Variants in MCU observed in about 807,000 individuals in gnomAD.
The protein encoded by MCU is mitochondrial calcium uniporter, also known as calcium uniporter protein, mitochondrial.
A neutral mutation model predicts 45.2 loss-of-function variants in MCU; 12 were observed. The ratio of observed to expected loss-of-function variants is 0.27; its 90% CI spans 0.17 to 0.43. MCU has a LOEUF of 0.43. Among genes scored for constraint, MCU ranks in the 20% least tolerant of loss-of-function variants. The pLI is 1.00. For missense variants in MCU, 324 were observed against 436.7 expected (o/e 0.74, Z 2.30); for synonymous variants, 160 against 165.1 (o/e 0.97, Z 0.24).
intron 1 of MCU, among the ~76,000 whole-genome samples, chr10:72,710,508 G>A (rs1842877887): frequency 6.7e-6 from 1 of 149,270 alleles, no homozygotes; most frequent in South Asian, 2.1e-4. Flanking sequence ...TGCTGTCAAA[G>A]GAGCTCACTT....
chr10:72,791,431 G>C (rs1407884370), intron 1 of MCU, among the ~76,000 whole-genome samples: 1 of 152,096 alleles, frequency 6.6e-6, no homozygotes. Flanking sequence ...CCGTAGTCCA[G>C]GGGAAGAATG....
At chr10:72,721,599 T>C (rs1214755734) in intron 1 of MCU, among the ~76,000 whole-genome samples, 1 of 152,244 alleles carries the variant, frequency 6.6e-6, no homozygotes, top group Admixed American at 6.5e-5. Flanking sequence ...TAGAATGCTT[T>C]TCTCCTGAAT....
intron 1 of MCU, among the ~76,000 whole-genome samples, chr10:72,740,893 G>C (rs1843319048): frequency 6.6e-6 from 1 of 152,096 alleles, no homozygotes; most frequent in Non-Finnish European, 1.5e-5. Flanking sequence ...AGACTTCTTG[G>C]ATACATAAAA....
intron 1 of MCU, among the ~76,000 whole-genome samples, chr10:72,818,841 CAA>C (rs199955521): frequency 0.084 from 7,350 of 87,704 alleles, 589 homozygotes; most frequent in African/African-American, 0.23. Flanking sequence ...ACCTCTGTCT[CAA>C]AAAAAAAAAA....
chr10:72,872,997 T>G (rs1162421482), intron 6 of MCU, among the ~76,000 whole-genome samples: 3 of 150,450 alleles, frequency 2.0e-5, no homozygotes, highest in African/African-American at 7.3e-5. Flanking sequence ...TTTGTTTTTG[T>G]TTTTTTGTTT....
intron 6 of MCU, among the ~76,000 whole-genome samples, chr10:72,874,216 A>T (rs192701910): frequency 7.6e-4 from 116 of 152,314 alleles, no homozygotes; most frequent in African/African-American, 2.7e-3. Context: ...TTATCAACCG[A>T]GGCTCCTTTA....
chr10:72,738,283 C>T (rs749858199), intron 1 of MCU, among the ~76,000 whole-genome samples: 2 of 152,110 alleles, frequency 1.3e-5, no homozygotes, highest in African/African-American at 2.4e-5. Context: ...ACTTATATGT[C>T]CAACAAATCA....
At chr10:72,749,295 A>G (rs909987409) in intron 1 of MCU, among the ~76,000 whole-genome samples, 20 of 152,138 alleles carry the variant, frequency 1.3e-4, no homozygotes, top group Admixed American at 5.9e-4. Flanking sequence ...TCTAAAATCA[A>G]AAACCAACTT....
rs949585164 is a variant in MCU at position 72,856,359 on chromosome 10, T to G, written c.221-2818T>G. Among the ~76,000 whole-genome samples, 6 of 152,200 alleles carry G rather than the reference T, an allele frequency of 3.9e-5. 1 individual carries two copies. The highest frequency in any genetic ancestry group is 2.1e-4 in the South Asian group (1 of 4,834). ...TTTAAGTAAGAATGTATTTTGTTAT[T>G]TATAAACTATGTCTCAATTAGGTTT... On this transcript the variant is annotated intron_variant, in intron 2 of 7. Coordinates refer to ENST00000373053, the MANE Select transcript of MCU (RefSeq NM_138357.3).
chr10:72,855,076 TACTA>T (rs1309549898), intron 2 of MCU, among the ~76,000 whole-genome samples: 3 of 152,044 alleles, frequency 2.0e-5, no homozygotes, highest in Non-Finnish European at 2.9e-5. Flanking sequence ...ACCCTGTCTC[TACTA>T]AAGAAAAATT....
intron 1 of MCU, among the ~76,000 whole-genome samples, chr10:72,816,045 G>A (rs1844620593): frequency 6.6e-6 from 1 of 152,030 alleles, no homozygotes; most frequent in Non-Finnish European, 1.5e-5. Flanking sequence ...GGTGGCGGGT[G>A]CCTGTAATCC....
chr10:72,801,497 G>A (rs1227261949), intron 1 of MCU, among the ~76,000 whole-genome samples: 1 of 150,626 alleles, frequency 6.6e-6, no homozygotes, highest in East Asian at 2.0e-4. Flanking sequence ...GTAGTTTCAT[G>A]TTCTTCACAT....
chr10:72,794,281 A>T (rs145926115), intron 1 of MCU, among the ~76,000 whole-genome samples: 1,835 of 152,274 alleles, frequency 0.012, 15 homozygotes, highest in Non-Finnish European at 0.018. Flanking sequence ...AAAACATAGG[A>T]TCACCACTAC....
At chr10:72,844,022 C>T (rs1272353540) in intron 2 of MCU, among the ~76,000 whole-genome samples, 1 of 152,128 alleles carries the variant, frequency 6.6e-6, no homozygotes, top group African/African-American at 2.4e-5. Flanking sequence ...GAGGCCAAGG[C>T]AGGTTGATCA....
intron 1 of MCU, among the ~76,000 whole-genome samples, chr10:72,800,398 T>C (rs556291011): frequency 1.1e-4 from 17 of 152,334 alleles, no homozygotes; most frequent in South Asian, 6.2e-4. Context: ...ATTCCCAAAG[T>C]ATCTCAATAT....
intron 4 of MCU, among the ~76,000 whole-genome samples, chr10:72,868,346 C>T (rs1268005646): frequency 4.6e-5 from 7 of 151,962 alleles, no homozygotes; most frequent in Non-Finnish European, 8.8e-5. Flanking sequence ...CCCGGGAGTT[C>T]GAGACCAGCC....
At chr10:72,804,110 T>C (rs1198953114) in intron 1 of MCU, among the ~76,000 whole-genome samples, 1 of 116,470 alleles carries the variant, frequency 8.6e-6, no homozygotes, top group Non-Finnish European at 1.8e-5. Context: ...TTTTTTTTTT[T>C]GAGACAGAGT....
intron 1 of MCU, among the ~76,000 whole-genome samples, chr10:72,799,210 C>T (rs905110421): frequency 5.9e-5 from 9 of 152,238 alleles, no homozygotes; most frequent in African/African-American, 2.2e-4. Flanking sequence ...AGGCGTGAGC[C>T]ATCACGCCCG....
chr10:72,864,015 C>T (rs1246622384), intron 4 of MCU, among the ~76,000 whole-genome samples: 1 of 152,074 alleles, frequency 6.6e-6, no homozygotes, highest in Non-Finnish European at 1.5e-5. Context: ...ATGCATGATG[C>T]CATTTGCAGT....
Sources: gnomAD v4.1 joint callset for allele counts (sites outside exome capture counted in the v4.1 genomes callset) on GRCh38, gnomAD v4.1.1 for gene constraint, MANE v1.5 for transcripts, NCBI Gene and HGNC (gene_info 2026-07-23, HGNC 2026-07-21) for gene names.